The following PACSIN2 variants were observed in gnomAD, a reference collection of about 807,000 sequenced individuals.
The protein encoded by PACSIN2 is protein kinase C and casein kinase substrate in neurons 2.
PACSIN2 carries 25 observed loss-of-function variants against 63.8 expected under a neutral mutation model. The observed-to-expected ratio is 0.39, with a 90% CI of 0.29 to 0.55. PACSIN2 has a LOEUF of 0.55. PACSIN2 is among the 20% of genes least tolerant of loss of function. PACSIN2 has a pLI of 0.62. For missense variants in PACSIN2, 518 were observed against 646.9 expected (o/e 0.80, Z 2.16); for synonymous variants, 255 against 256.2 (o/e 1.00, Z 0.05).
At chr22:42,910,054 T>C (rs1931345939) in intron 2 of PACSIN2, among the ~76,000 whole-genome samples, 1 of 152,182 alleles carries the variant, frequency 6.6e-6, no homozygotes, top group African/African-American at 2.4e-5. Context: ...GATTGGGAAA[T>C]GAAGGCAAAG....
intron 1 of PACSIN2, among the ~76,000 whole-genome samples, chr22:42,916,575 A>G (rs1373801629): frequency 6.6e-6 from 1 of 152,020 alleles, no homozygotes; most frequent in Admixed American, 6.5e-5. Flanking sequence ...GCCTCAGCGT[A>G]TGGGACTCTC....
chr22:42,893,312 C>T (rs1930044761), intron 3 of PACSIN2, 145 bp downstream of exon 3: 30 of 803,288 alleles, frequency 3.7e-5, no homozygotes, highest in Non-Finnish European at 1.2e-5. Flanking sequence ...ATAAAAATCA[C>T]ACCCCGCTCT....
At chr22:42,900,414 C>T (rs903111140) in intron 2 of PACSIN2, among the ~76,000 whole-genome samples, 4 of 152,128 alleles carry the variant, frequency 2.6e-5, no homozygotes, top group African/African-American at 7.2e-5. Context: ...TACATGCCAC[C>T]CCACTTAATC....
intron 2 of PACSIN2, among the ~76,000 whole-genome samples, chr22:42,904,414 C>T (rs946305650): frequency 6.6e-6 from 1 of 152,218 alleles, no homozygotes; most frequent in African/African-American, 2.4e-5. Flanking sequence ...TTTTGCTCTC[C>T]CTCACTCCTC....
chr22:42,974,641 C>T (rs1028089101), intron 1 of PACSIN2, among the ~76,000 whole-genome samples: 5 of 151,018 alleles, frequency 3.3e-5, no homozygotes, highest in African/African-American at 4.9e-5. Flanking sequence ...CCCAGCTACT[C>T]GGGTGGCTGA....
At chr22:42,874,985 G>A (rs1694640882) in intron 10 of PACSIN2, among the ~76,000 whole-genome samples, 1 of 152,002 alleles carries the variant, frequency 6.6e-6, no homozygotes, top group African/African-American at 2.4e-5. Flanking sequence ...CGAGTAGCTG[G>A]GACTACAGGC....
In PACSIN2 at chr22:42,884,519, C is replaced by T. The variant is rs753696573; in HGVS notation, c.652G>A (p.Gly218Ser). 1.9e-6 allele frequency: 3 copies of T among 1,614,002 alleles called. No individual in the cohort carries two copies. The Admixed American group carries it at 5.0e-5, about 27-fold the overall frequency. The change falls in exon 6 of 11, where the codon GGC becomes AGC. Residue 218 changes from glycine to serine, a missense_variant. Physicochemically the swap from Gly to Ser is moderately conservative, Grantham distance 56. Coordinates refer to ENST00000263246, the MANE Select transcript of PACSIN2 (RefSeq NM_001184970.3). Reference sequence around the variant, plus strand: ...ATGTTCTCCATGTACTGGGGTGTGCCCTGGTCGAGTTCCTTCAGGGACTTC... The same window carrying T: ...ATGTTCTCCATGTACTGGGGTGTGCTCTGGTCGAGTTCCTTCAGGGACTTC... ...YEKSLKELDQ[G>S]TPQYMENMEQ... is the part of the protein sequence containing the mutation.
chr22:42,881,793 T>C (rs920114907), intron 7 of PACSIN2, among the ~76,000 whole-genome samples: 2 of 151,904 alleles, frequency 1.3e-5, no homozygotes, highest in Non-Finnish European at 2.9e-5. Flanking sequence ...TCCCCTCCCC[T>C]GGCCCACCGT....
chr22:43,014,349 C>CAG lies in PACSIN2; in HGVS notation c.-78+671_-78+672insCT, dbSNP rs1238769176. Among the ~76,000 whole-genome samples, 164 of 24,906 alleles carry CAG rather than the reference C, an allele frequency of 6.6e-3. 2 individuals carry two copies. Among genetic ancestry groups the CAG allele is most frequent in the African/African-American group, 0.017 (155 of 8,924 alleles). The allele number at this position is 24,906 out of a possible 152,430, so 16.3% of individuals were successfully genotyped here. ...ACACACACACACACACACACACACACACAGACACACACACACCACCCCCCC... is the reference window on the plus strand; with the variant it reads ...ACACACACACACACACACACACACACAGACAGACACACACACACCACCCCCCC... On this transcript the variant is annotated intron_variant, in intron 1 of 10. Transcript: ENST00000263246.
chr22:42,891,218 C>T, intron 3 of PACSIN2, 36 bp from the exon 4 acceptor site: 1 of 1,465,830 alleles, frequency 6.8e-7, no homozygotes, highest in Non-Finnish European at 9.5e-7. Context: ...TCACTCAGCG[C>T]CGGCCATGGT....
intron 1 of PACSIN2, among the ~76,000 whole-genome samples, chr22:42,991,606 C>T (rs1160577579): frequency 6.6e-6 from 1 of 152,220 alleles, no homozygotes; most frequent in African/African-American, 2.4e-5. Context: ...AATGATAGAG[C>T]TCCTGCTGTC....
intron 1 of PACSIN2, among the ~76,000 whole-genome samples, chr22:42,995,931 C>T (rs923773431): frequency 6.6e-6 from 1 of 152,114 alleles, no homozygotes; most frequent in African/African-American, 2.4e-5. Flanking sequence ...AAAAATTAGC[C>T]AGGTATTGGC....
intron 1 of PACSIN2, among the ~76,000 whole-genome samples, chr22:42,942,279 A>G (rs1444945085): frequency 1.3e-5 from 2 of 152,018 alleles, no homozygotes; most frequent in African/African-American, 4.8e-5. Context: ...TATCAGATAT[A>G]TGATTTGAAA....
chr22:42,877,074 C>A, intron 8 of PACSIN2, 64 bp from the exon 9 acceptor site: 2 of 1,570,440 alleles, frequency 1.3e-6, no homozygotes, highest in Non-Finnish European at 1.7e-6. Context: ...GTCCTGGCAA[C>A]TCCTAGCTGC....
intron 1 of PACSIN2, among the ~76,000 whole-genome samples, chr22:42,987,291 T>C (rs1922682431): frequency 6.6e-6 from 1 of 151,954 alleles, no homozygotes; most frequent in Non-Finnish European, 1.5e-5. Context: ...ACACTGATCA[T>C]CACTGTTATT....
At chr22:42,987,148 T>G (rs561931573) in intron 1 of PACSIN2, among the ~76,000 whole-genome samples, 2 of 152,254 alleles carry the variant, frequency 1.3e-5, no homozygotes, top group African/African-American at 4.8e-5. Context: ...ACACCAAGAC[T>G]GACCTGGGTT....
chr22:42,919,762 G>C (rs1318026076), intron 1 of PACSIN2, among the ~76,000 whole-genome samples: 2 of 66,668 alleles, frequency 3.0e-5, no homozygotes, highest in Admixed American at 4.9e-4. Flanking sequence ...GACAGAGCAA[G>C]AACCTGTCTC....
chr22:42,899,663 A>T (rs1273785314), intron 2 of PACSIN2, among the ~76,000 whole-genome samples: 1 of 152,228 alleles, frequency 6.6e-6, no homozygotes, highest in Admixed American at 6.5e-5. Flanking sequence ...CAAGTGCCCT[A>T]CGATGACCCA....
intron 1 of PACSIN2, among the ~76,000 whole-genome samples, chr22:42,955,845 C>T (rs1010360236): frequency 6.6e-6 from 1 of 152,176 alleles, no homozygotes; most frequent in Non-Finnish European, 1.5e-5. Flanking sequence ...GTCTACTACG[C>T]CCTGTGCTAT....
Sources: allele counts gnomAD v4.1 joint callset (sites outside exome capture counted in the v4.1 genomes callset), GRCh38; gene constraint gnomAD v4.1.1; transcripts MANE v1.5; gene names NCBI Gene and HGNC (gene_info 2026-07-23, HGNC 2026-07-21).